SLC24A3: variants seen among roughly 807,000 people sequenced by gnomAD.
The protein encoded by SLC24A3 is solute carrier family 24 member 3, also known as sodium/potassium/calcium exchanger 3.
SLC24A3 carries 28 observed loss-of-function variants against 75.8 expected under a neutral mutation model. The observed-to-expected ratio is 0.37, with a 90% confidence interval of 0.27 to 0.51. The LOEUF (loss-of-function observed/expected upper bound fraction) is 0.51, where lower values mean the gene tolerates loss of function less well. Among genes scored for constraint, SLC24A3 ranks in the 20% least tolerant of loss-of-function variants. SLC24A3 has a pLI of 0.94. For synonymous variants in SLC24A3, 372 were observed against 334.1 expected, an observed-to-expected ratio of 1.11 and a Z score of -1.24; for missense variants, 663 against 847.8, an observed-to-expected ratio of 0.78 and a Z score of 2.71.
chr20:19,652,825 C>T (rs574091405), intron 6 of SLC24A3, among the ~76,000 whole-genome samples: 2 of 152,288 alleles, frequency 1.3e-5, no homozygotes, highest in Admixed American at 1.3e-4. Context: ...CCCTGGGGTC[C>T]CTTTTTCCCA....
chr20:19,373,172 C>A (rs1455502998), intron 2 of SLC24A3, among the ~76,000 whole-genome samples: 1 of 152,086 alleles, frequency 6.6e-6, no homozygotes, highest in Admixed American at 6.6e-5. Context: ...CACACCGAAG[C>A]TTTTAGGTCT....
In SLC24A3 at chr20:19,519,572, C is replaced by A. The variant is rs144395181; in HGVS notation, c.348+4008C>A. On this transcript the variant is annotated intron_variant, in intron 3 of 16. Coordinates refer to ENST00000328041, the MANE Select transcript of SLC24A3 (RefSeq NM_020689.4). ...CTAGTGGGGAAATCCATGATCTTGA[C>A]AACTTTTTCAACAAAAGATAGCCCC... 2.1e-4 allele frequency among the ~76,000 whole-genome samples: 32 copies of A among 152,278 alleles called. No individual in the cohort carries two copies. In the East Asian group the frequency reaches 5.0e-3, roughly 24 times the overall value.
chr20:19,374,262 C>T (rs755709902), intron 2 of SLC24A3, among the ~76,000 whole-genome samples: 12 of 152,240 alleles, frequency 7.9e-5, no homozygotes, highest in South Asian at 4.2e-4. Context: ...CAGGGTGGGC[C>T]GTCACTCCTC....
intron 2 of SLC24A3, among the ~76,000 whole-genome samples, chr20:19,352,526 GTTA>G (rs1568597441): frequency 1.3e-5 from 2 of 152,118 alleles, no homozygotes; most frequent in African/African-American, 4.8e-5. Context: ...CCTTAAACAC[GTTA>G]TTATTTTTCC....
At chr20:19,327,519 AACCCTTCTG>A (rs996216912) in intron 2 of SLC24A3, among the ~76,000 whole-genome samples, 1 of 152,176 alleles carries the variant, frequency 6.6e-6, no homozygotes, top group Admixed American at 6.5e-5. Flanking sequence ...CACACATTAC[AACCCTTCTG>A]ACAAGGGTTG....
At chr20:19,607,729 G>A (rs1365608092) in intron 6 of SLC24A3, among the ~76,000 whole-genome samples, 1 of 152,214 alleles carries the variant, frequency 6.6e-6, no homozygotes, top group Non-Finnish European at 1.5e-5. Context: ...TCCACTCTTG[G>A]TCAACTGGAC....
intron 15 of SLC24A3, among the ~76,000 whole-genome samples, chr20:19,702,802 T>C (rs2032889631): frequency 6.6e-6 from 1 of 152,150 alleles, no homozygotes; most frequent in Non-Finnish European, 1.5e-5. Context: ...GGCACATAGA[T>C]ATATAGTTGT....
chr20:19,594,700 G>GTGGA (rs1315237151), intron 6 of SLC24A3, among the ~76,000 whole-genome samples: 3 of 152,118 alleles, frequency 2.0e-5, no homozygotes, highest in Non-Finnish European at 4.4e-5. Context: ...GGGTGGCTGA[G>GTGGA]TGGATGGATG....
chr20:19,297,037 A>C (rs989104870), intron 2 of SLC24A3, among the ~76,000 whole-genome samples: 3 of 152,128 alleles, frequency 2.0e-5, no homozygotes, highest in African/African-American at 7.2e-5. Flanking sequence ...CATATAGAAA[A>C]CTAGAATGAA....
chr20:19,506,903 A>G (rs1988470061), intron 2 of SLC24A3, among the ~76,000 whole-genome samples: 1 of 152,184 alleles, frequency 6.6e-6, no homozygotes. Flanking sequence ...CTTTAGAACG[A>G]GACAAAAATT....
intron 2 of SLC24A3, among the ~76,000 whole-genome samples, chr20:19,289,414 C>T (rs1352749633): frequency 6.6e-6 from 1 of 152,212 alleles, no homozygotes; most frequent in East Asian, 1.9e-4. Flanking sequence ...AGTAAAGCAG[C>T]CACTTAGGGT....
chr20:19,718,703 C>T (rs1461020984), intron 16 of SLC24A3, among the ~76,000 whole-genome samples: 2 of 152,156 alleles, frequency 1.3e-5, no homozygotes, highest in Admixed American at 1.3e-4. Flanking sequence ...ATGAGGTTAC[C>T]AAAATGCTGA....
intron 6 of SLC24A3, among the ~76,000 whole-genome samples, chr20:19,649,339 A>G (rs968877511): frequency 2.0e-5 from 3 of 152,214 alleles, no homozygotes; most frequent in African/African-American, 7.2e-5. Context: ...AAACAGTGAA[A>G]CATTCAACCA....
chr20:19,711,547 C>G (rs1361217576), intron 15 of SLC24A3, among the ~76,000 whole-genome samples: 4 of 151,864 alleles, frequency 2.6e-5, no homozygotes, highest in African/African-American at 9.7e-5. Context: ...TGCAAACATG[C>G]AAACATGCAG....
chr20:19,509,823 A>G (rs545060127), intron 2 of SLC24A3, among the ~76,000 whole-genome samples: 78 of 152,342 alleles, frequency 5.1e-4, no homozygotes, highest in African/African-American at 1.8e-3. Context: ...CACTTTTCAA[A>G]TGGCCAAAAG....
chr20:19,721,098 C>T lies in SLC24A3; in HGVS notation c.1893C>T (p.Asn631=), dbSNP rs139959428. The T allele has an allele frequency of 6.3e-5, 101 of 1,614,138 alleles. No individual in the cohort carries two copies. In the African/African-American group the frequency reaches 8.8e-4, roughly 14 times the overall value. Reference sequence around the variant, plus strand: ...GCTTCTCCATCATGACTGAGTTCAACGTGTTCACCTTTGTGAACCTGCCCA... The same window carrying T: ...GCTTCTCCATCATGACTGAGTTCAATGTGTTCACCTTTGTGAACCTGCCCA... ...FLCFSIMTEF[N]VFTFVNLPMC... Residue 631 remains asparagine (N), a synonymous_variant, in exon 17 of 17, where the codon AAC becomes AAT. Transcript: ENST00000328041.
At chr20:19,248,270 T>C (rs1982552749) in intron 1 of SLC24A3, among the ~76,000 whole-genome samples, 2 of 152,252 alleles carry the variant, frequency 1.3e-5, no homozygotes, top group African/African-American at 2.4e-5. Flanking sequence ...AAGAGAATTC[T>C]GTGTGCCCCG....
chr20:19,559,478 C>A (rs550528094), intron 3 of SLC24A3, among the ~76,000 whole-genome samples: 1 of 152,190 alleles, frequency 6.6e-6, no homozygotes, highest in Non-Finnish European at 1.5e-5. Flanking sequence ...TGTTTGGTTT[C>A]GTTTGATGTG....
intron 2 of SLC24A3, among the ~76,000 whole-genome samples, chr20:19,476,738 T>C (rs560463754): frequency 1.3e-5 from 2 of 152,242 alleles, no homozygotes; most frequent in African/African-American, 4.8e-5. Context: ...GGGCCTTCCG[T>C]AGCAAGGATG....
Sources: gnomAD v4.1 joint callset for allele counts (sites outside exome capture counted in the v4.1 genomes callset) on GRCh38, gnomAD v4.1.1 for gene constraint, MANE v1.5 for transcripts, NCBI Gene and HGNC (gene_info 2026-07-23, HGNC 2026-07-21) for gene names.